SOCS5: variants seen among roughly 807,000 people sequenced by gnomAD.
SOCS5 encodes the protein suppressor of cytokine signaling 5, also known as CIS-6.
A neutral mutation model predicts 42.8 loss-of-function variants in SOCS5; 32 were observed. That is an observed-to-expected ratio of 0.75 (90% CI 0.56 to 1.01). The LOEUF (loss-of-function observed/expected upper bound fraction) is 1.01, where lower values mean the gene tolerates loss of function less well. Among genes scored for constraint, SOCS5 ranks in the 50% least tolerant of loss-of-function variants. SOCS5 has a pLI of 0.00. For synonymous variants in SOCS5, 283 were observed against 229.6 expected, an observed-to-expected ratio of 1.23 and a Z score of -2.10; for missense variants, 627 against 653.0, an observed-to-expected ratio of 0.96 and a Z score of 0.43.
At chr2:46,718,188 C>G (rs1387629810) in intron 1 of SOCS5, among the ~76,000 whole-genome samples, 1 of 152,158 alleles carries the variant, frequency 6.6e-6, no homozygotes, top group Admixed American at 6.5e-5. Context: ...TCTCAGGAAT[C>G]ACAATCCTGT....
chr2:46,720,276 G>A (rs1672849611), intron 1 of SOCS5, among the ~76,000 whole-genome samples: 1 of 152,142 alleles, frequency 6.6e-6, no homozygotes, highest in African/African-American at 2.4e-5. Context: ...TGAACTTAAA[G>A]GTTCACTTGA....
At chr2:46,701,308 A>C (rs1407138803) in intron 1 of SOCS5, among the ~76,000 whole-genome samples, 1 of 152,208 alleles carries the variant, frequency 6.6e-6, no homozygotes, top group Non-Finnish European at 1.5e-5. Flanking sequence ...ACTGGCTGTG[A>C]AGTAGTAGTA....
intron 1 of SOCS5, among the ~76,000 whole-genome samples, chr2:46,746,652 A>G (rs1673504347): frequency 6.6e-6 from 1 of 151,986 alleles, no homozygotes; most frequent in Non-Finnish European, 1.5e-5. Flanking sequence ...ATCTCAAAAA[A>G]AAAAAAAGAT....
At chr2:46,748,731 A>G (rs967778249) in intron 1 of SOCS5, among the ~76,000 whole-genome samples, 3 of 152,164 alleles carry the variant, frequency 2.0e-5, no homozygotes, top group African/African-American at 4.8e-5. Flanking sequence ...TATTATCAAA[A>G]CATTATTTTA....
intron 1 of SOCS5, among the ~76,000 whole-genome samples, chr2:46,711,972 C>A (rs1029710312): frequency 6.6e-6 from 1 of 152,162 alleles, no homozygotes; most frequent in Non-Finnish European, 1.5e-5. Flanking sequence ...TCTTGATTTA[C>A]CATAGCATTA....
intron 1 of SOCS5, among the ~76,000 whole-genome samples, chr2:46,755,418 T>C (rs189542451): frequency 6.6e-6 from 1 of 152,194 alleles, no homozygotes; most frequent in Admixed American, 6.5e-5. Flanking sequence ...TGTAAACTTA[T>C]GTAGTGATAG....
At chr2:46,739,850 A>G (rs1322871398) in intron 1 of SOCS5, among the ~76,000 whole-genome samples, 2 of 152,208 alleles carry the variant, frequency 1.3e-5, no homozygotes, top group South Asian at 2.1e-4. Context: ...TGCATATACT[A>G]TTCCATTGTA....
chr2:46,718,063 C>A (rs1157904971), intron 1 of SOCS5, among the ~76,000 whole-genome samples: 1 of 150,646 alleles, frequency 6.6e-6, no homozygotes, highest in Non-Finnish European at 1.5e-5. Context: ...ACTTCAAGCT[C>A]TATTTCCTCA....
chr2:46,746,389 C>T (rs1319207243), intron 1 of SOCS5, among the ~76,000 whole-genome samples: 2 of 152,072 alleles, frequency 1.3e-5, no homozygotes, highest in African/African-American at 2.4e-5. Flanking sequence ...GGGTGGCTCA[C>T]GCCTGTAATC....
chr2:46,753,784 G>A (rs1221299643), intron 1 of SOCS5, among the ~76,000 whole-genome samples: 15 of 152,118 alleles, frequency 9.9e-5, no homozygotes, highest in Admixed American at 9.2e-4. Context: ...TGGAACTGAA[G>A]GTTCCTCCCC....
chr2:46,759,178 G>C lies in SOCS5; in HGVS notation c.648G>C (p.Glu216Asp), dbSNP rs560791354. The change falls in exon 2 of 2, where the codon GAG (glutamate) becomes GAC (aspartate). Residue 216 changes from glutamate to aspartate, a missense_variant. Glu to Asp is a conservative substitution (Grantham distance 45, BLOSUM62 2). This residue lies in a region of SOCS5 where 9 missense variants were observed against 39.1 expected (regional missense o/e 0.23). Transcript: ENST00000394861. Reference sequence around the variant, plus strand: ...TCCATCTCTCTGAATTAATGCTTGAGAAATGCCCTTTTCCTGCTGGCTCAG... The same window carrying C: ...TCCATCTCTCTGAATTAATGCTTGACAAATGCCCTTTTCCTGCTGGCTCAG... ...RKIHLSELMLEKCPFPAGSDL... is the reference protein window; with the variant it reads ...RKIHLSELMLDKCPFPAGSDL... 1.2e-6 allele frequency: 2 copies of C among 1,613,976 alleles called. No individual in the cohort carries two copies. The highest frequency in any genetic ancestry group is 4.5e-5 in the East Asian group (2 of 44,876).
chr2:46,755,499 AT>A (rs1394966480), intron 1 of SOCS5, among the ~76,000 whole-genome samples: 4 of 152,314 alleles, frequency 2.6e-5, no homozygotes, highest in South Asian at 4.1e-4. Context: ...AACAAAAGCT[AT>A]TTAACTTCCA....
intron 1 of SOCS5, among the ~76,000 whole-genome samples, chr2:46,711,689 AC>A (rs1439329573): frequency 2.0e-5 from 3 of 151,998 alleles, no homozygotes; most frequent in Non-Finnish European, 4.4e-5. Context: ...AATCTTTGCC[AC>A]CCCCACAGTT....
intron 1 of SOCS5, among the ~76,000 whole-genome samples, chr2:46,738,874 A>G (rs1572841821): frequency 6.6e-6 from 1 of 152,346 alleles, no homozygotes; most frequent in African/African-American, 2.4e-5. Context: ...TAAGAGAGCT[A>G]GTAAGCTGCA....
At chr2:46,710,144 T>C (rs1284879699) in intron 1 of SOCS5, among the ~76,000 whole-genome samples, 1 of 150,366 alleles carries the variant, frequency 6.7e-6, no homozygotes, top group Non-Finnish European at 1.5e-5. Flanking sequence ...TTTCCTTTAT[T>C]TTATTTATTT....
chr2:46,720,974 G>C (rs1317408464), intron 1 of SOCS5, among the ~76,000 whole-genome samples: 1 of 152,130 alleles, frequency 6.6e-6, no homozygotes, highest in African/African-American at 2.4e-5. Flanking sequence ...AGTCCGTTCT[G>C]CTCCTGCCTG....
At chr2:46,753,064 C>T (rs1448273233) in intron 1 of SOCS5, among the ~76,000 whole-genome samples, 4 of 152,170 alleles carry the variant, frequency 2.6e-5, no homozygotes, top group Admixed American at 2.6e-4. Flanking sequence ...GATTATGAGG[C>T]TTACCTCTCC....
At chr2:46,737,789 C>G (rs1464409711) in intron 1 of SOCS5, among the ~76,000 whole-genome samples, 1 of 151,964 alleles carries the variant, frequency 6.6e-6, no homozygotes, top group Non-Finnish European at 1.5e-5. Flanking sequence ...TAATCAGTTA[C>G]CTGAGCCAAG....
rs760499050 is a variant in SOCS5, at chr2:46,758,911, C to T, written c.381C>T (p.Ser127=). ...HAPWGGKKKH[S]CSTKTQSSLD... ...CATGGGGTGGGAAGAAAAAACATTC[C>T]TGTTCTACAAAGACCCAGAGTTCAT... Residue 127 remains serine (S), a synonymous_variant, in exon 2 of 2, where the codon TCC becomes TCT. Transcript: ENST00000394861. 1.2e-6 allele frequency: 2 copies of T among 1,614,016 alleles called. No homozygotes were observed. Among genetic ancestry groups the T allele is most frequent in the Admixed American group, 1.7e-5 (1 of 60,018 alleles).
Sources: gnomAD v4.1 joint callset for allele counts (sites outside exome capture counted in the v4.1 genomes callset) on GRCh38, gnomAD v4.1.1 for gene constraint, gnomAD v4.1.1 regional missense constraint, MANE v1.5 for transcripts, NCBI Gene and HGNC (gene_info 2026-07-23, HGNC 2026-07-21) for gene names.